Variants in CNTN5 observed in about 807,000 individuals in gnomAD.
The protein encoded by CNTN5 is contactin-5.
A neutral mutation model predicts 129.1 loss-of-function variants in CNTN5; 77 were observed. The ratio of observed to expected loss-of-function variants is 0.60; its 90% CI spans 0.50 to 0.72. The LOEUF is 0.72. Among genes scored for constraint, CNTN5 ranks in the 30% least tolerant of loss-of-function variants. CNTN5 has a pLI of 0.00. For missense variants in CNTN5, 1,478 were observed against 1,328.8 expected (o/e 1.11, Z -1.75); for synonymous variants, 509 against 465.6 (o/e 1.09, Z -1.20).
At chr11:99,838,665 C>A (rs939446984) in intron 4 of CNTN5, among the ~76,000 whole-genome samples, 1 of 152,156 alleles carries the variant, frequency 6.6e-6, no homozygotes, top group African/African-American at 2.4e-5. Flanking sequence ...CTTAACAATT[C>A]ACCTATGTGA....
intron 1 of CNTN5, among the ~76,000 whole-genome samples, chr11:99,116,000 G>A (rs1045933342): frequency 3.9e-5 from 6 of 152,122 alleles, no homozygotes; most frequent in Non-Finnish European, 8.8e-5. Context: ...GATCTATTTT[G>A]AGAACAATCA....
chr11:99,707,241 A>G (rs931144150), intron 3 of CNTN5, among the ~76,000 whole-genome samples: 2 of 151,552 alleles, frequency 1.3e-5, no homozygotes, highest in Admixed American at 6.6e-5. Context: ...ACTGGAGAAG[A>G]TAAACACTAT....
chr11:99,585,014 A>G (rs1949745930), intron 3 of CNTN5, among the ~76,000 whole-genome samples: 1 of 152,246 alleles, frequency 6.6e-6, no homozygotes, highest in African/African-American at 2.4e-5. Flanking sequence ...TTCATGAGCT[A>G]GACCATTTCC....
At chr11:99,084,402 T>A (rs1865917711) in intron 1 of CNTN5, among the ~76,000 whole-genome samples, 1 of 152,240 alleles carries the variant, frequency 6.6e-6, no homozygotes. Flanking sequence ...TTATTTTTAA[T>A]GTTTCCCAGA....
At chr11:99,712,579 C>T (rs1481283573) in intron 3 of CNTN5, among the ~76,000 whole-genome samples, 2 of 151,992 alleles carry the variant, frequency 1.3e-5, no homozygotes, top group African/African-American at 4.8e-5. Flanking sequence ...ATGGTATTGC[C>T]TAGGTTTTCT....
chr11:99,981,680 G>A (rs11222163), intron 8 of CNTN5, among the ~76,000 whole-genome samples: 10,515 of 152,232 alleles, frequency 0.069, 754 homozygotes, highest in East Asian at 0.31. Flanking sequence ...TGAGGAATTG[G>A]TGAAAATCCT....
rs545414472 is a variant in CNTN5, at chr11:99,997,970, A to T, written c.878-4064A>T. Among the ~76,000 whole-genome samples, 6 of 152,172 alleles carry T rather than the reference A, an allele frequency of 3.9e-5. No individual in the cohort carries two copies. In the East Asian group the frequency reaches 1.2e-3, roughly 29 times the overall value. ...AAATTCAACAATCTTCATGCTAAAA[A>T]CTCTCAATAAATTAGGGATTGATGG... On this transcript the variant is annotated intron_variant, in intron 8 of 24. Transcript: ENST00000524871.
chr11:100,334,454 C>T (rs1005714039), intron 21 of CNTN5, among the ~76,000 whole-genome samples: 2 of 152,046 alleles, frequency 1.3e-5, no homozygotes, highest in East Asian at 1.9e-4. Flanking sequence ...GAAAAGAAGT[C>T]GTTATACGAA....
intron 1 of CNTN5, among the ~76,000 whole-genome samples, chr11:99,255,759 A>C (rs1237514885): frequency 5.9e-5 from 9 of 151,316 alleles, no homozygotes; most frequent in Admixed American, 5.9e-4. Flanking sequence ...ATTTATTTAT[A>C]TATTTTATAT....
At chr11:99,767,317 T>C (rs1944788848) in intron 3 of CNTN5, among the ~76,000 whole-genome samples, 1 of 152,056 alleles carries the variant, frequency 6.6e-6, no homozygotes, top group African/African-American at 2.4e-5. Context: ...AGAGACAGAC[T>C]ATGTAGAACT....
At chr11:99,621,586 C>T (rs1484581282) in intron 3 of CNTN5, among the ~76,000 whole-genome samples, 3 of 152,138 alleles carry the variant, frequency 2.0e-5, no homozygotes, top group Admixed American at 1.3e-4. Flanking sequence ...TTTTGTACTG[C>T]TCTATAATCT....
chr11:99,776,154 A>G (rs1452976342), intron 3 of CNTN5, among the ~76,000 whole-genome samples: 1 of 143,238 alleles, frequency 7.0e-6, no homozygotes, highest in African/African-American at 2.6e-5. Flanking sequence ...TAGCATAATG[A>G]ATGAGAAGAG....
intron 6 of CNTN5, among the ~76,000 whole-genome samples, chr11:99,899,651 A>G (rs1949302334): frequency 6.6e-6 from 1 of 151,996 alleles, no homozygotes; most frequent in Non-Finnish European, 1.5e-5. Context: ...GGAGTTTTGC[A>G]TTGATGTTAA....
At chr11:99,434,708 T>C (rs1262952822) in intron 2 of CNTN5, among the ~76,000 whole-genome samples, 1 of 152,168 alleles carries the variant, frequency 6.6e-6, no homozygotes, top group African/African-American at 2.4e-5. Flanking sequence ...GATTTGTCTT[T>C]AACAGATGTG....
chr11:100,328,703 A>C (rs1248010135), intron 21 of CNTN5, among the ~76,000 whole-genome samples: 1 of 152,292 alleles, frequency 6.6e-6, no homozygotes. Flanking sequence ...CAAATTGGGG[A>C]TTACAATTTG....
intron 9 of CNTN5, among the ~76,000 whole-genome samples, chr11:100,054,164 T>G (rs12281013): frequency 6.6e-6 from 1 of 151,432 alleles, no homozygotes; most frequent in Admixed American, 6.6e-5. Context: ...GGTCCAAGAG[T>G]GAGAGCAGCA....
chr11:99,179,948 C>T (rs1857967654), intron 1 of CNTN5, among the ~76,000 whole-genome samples: 1 of 152,128 alleles, frequency 6.6e-6, no homozygotes, highest in African/African-American at 2.4e-5. Context: ...GTTTTAGTTA[C>T]TGTATTCAAA....
At chr11:99,843,956 A>AT (rs1947598522) in intron 4 of CNTN5, among the ~76,000 whole-genome samples, 1 of 152,236 alleles carries the variant, frequency 6.6e-6, no homozygotes, top group Non-Finnish European at 1.5e-5. Flanking sequence ...GTGGGCTGAC[A>AT]TAACTTGTAT....
chr11:99,661,753 T>C (rs529233547), intron 3 of CNTN5, among the ~76,000 whole-genome samples: 23 of 152,084 alleles, frequency 1.5e-4, no homozygotes, highest in Non-Finnish European at 2.5e-4. Context: ...ATTATTAAAA[T>C]AACCCCAGTT....
Sources: allele counts gnomAD v4.1 joint callset (sites outside exome capture counted in the v4.1 genomes callset), GRCh38; gene constraint gnomAD v4.1.1; transcripts MANE v1.5; gene names NCBI Gene and HGNC (gene_info 2026-07-23, HGNC 2026-07-21).